COPS4: variants seen among roughly 807,000 people sequenced by gnomAD.
COPS4 encodes the protein COP9 signalosome complex subunit 4.
A neutral mutation model predicts 55.1 loss-of-function variants in COPS4; 8 were observed. The ratio of observed to expected loss-of-function variants is 0.15; its 90% CI spans 0.09 to 0.26. The LOEUF (loss-of-function observed/expected upper bound fraction) is 0.26. COPS4 is among the 10% of genes least tolerant of loss of function. COPS4 has a pLI of 1.00. For missense variants in COPS4, 248 were observed against 484.0 expected, an observed-to-expected ratio of 0.51 and a Z score of 4.58; for synonymous variants, 185 against 165.7, an observed-to-expected ratio of 1.12 and a Z score of -0.90.
At chr4:83,045,473 T>TA (rs1013086539) in intron 1 of COPS4, 153 bp from the exon 2 acceptor site, 238 of 471,548 alleles carry the variant, frequency 5.0e-4, no homozygotes, top group South Asian at 8.7e-4. Context: ...ACTAGAAACT[T>TA]AAAAAAAAAT....
In COPS4 at chr4:83,068,441, GA is replaced by G; in HGVS notation, c.1010del (p.Lys337ArgfsTer2). The part of the protein sequence containing the change: ...ALLEIPAAKA[E>X]KIASQMITEG... ...GAGTTTTTTTTTCCCCCAATAGGCG[GA>G]AAAGATAGCATCTCAAATGATAACC... is the stretch of plus-strand genomic sequence containing the variant. On this transcript the variant is annotated frameshift_variant, in exon 9 of 10. Transcript: ENST00000264389. LOFTEE classifies it high-confidence loss of function. 6.2e-7 allele frequency: 1 copy of G among 1,605,744 alleles called. No individual in the cohort carries two copies.
intron 2 of COPS4, among the ~76,000 whole-genome samples, chr4:83,047,581 A>AT (rs1365111181): frequency 1.3e-5 from 2 of 152,006 alleles, no homozygotes; most frequent in African/African-American, 2.4e-5. Flanking sequence ...ATATATATAT[A>AT]TTTTTTGATC....
chr4:83,052,895 A>G (rs754765600), intron 4 of COPS4, among the ~76,000 whole-genome samples: 23 of 152,236 alleles, frequency 1.5e-4, no homozygotes, highest in Admixed American at 7.2e-4. Flanking sequence ...CCTTGCTTCA[A>G]TATTCTTAAG....
intron 1 of COPS4, chr4:83,035,954 A>G (rs931807751): frequency 1.3e-5 from 2 of 152,536 alleles, no homozygotes; most frequent in Non-Finnish European, 2.9e-5. Flanking sequence ...AAATTTATAT[A>G]GAATGCTTAG....
intron 9 of COPS4, among the ~76,000 whole-genome samples, chr4:83,070,299 CT>C (rs1042106116): frequency 9.2e-5 from 14 of 152,194 alleles, no homozygotes; most frequent in African/African-American, 3.4e-4. Context: ...GATTCAGTTA[CT>C]GTCTCTGCAT....
At chr4:83,059,993 A>G (rs1373477864) in intron 6 of COPS4, among the ~76,000 whole-genome samples, 2 of 151,786 alleles carry the variant, frequency 1.3e-5, no homozygotes, top group East Asian at 1.9e-4. Flanking sequence ...GAGCCACCGC[A>G]CCCGGCCGAA....
intron 1 of COPS4, among the ~76,000 whole-genome samples, chr4:83,037,718 T>C (rs1730464638): frequency 6.6e-6 from 1 of 152,194 alleles, no homozygotes; most frequent in African/African-American, 2.4e-5. Context: ...AGGAGCTGAG[T>C]AACAAAGGAT....
intron 1 of COPS4, among the ~76,000 whole-genome samples, chr4:83,036,303 T>TA (rs1317083097): frequency 6.7e-6 from 1 of 148,348 alleles, no homozygotes; most frequent in Non-Finnish European, 1.5e-5. Context: ...AATAAGTAAA[T>TA]AAAGTATGCC....
chr4:83,044,464 T>A (rs866407423), intron 1 of COPS4, among the ~76,000 whole-genome samples: 89 of 103,256 alleles, frequency 8.6e-4, no homozygotes, highest in East Asian at 1.8e-3. Flanking sequence ...AAAAAAAAAA[T>A]GATTAAGACA....
At chr4:83,045,001 C>T (rs1730669673) in intron 1 of COPS4, among the ~76,000 whole-genome samples, 1 of 152,124 alleles carries the variant, frequency 6.6e-6, no homozygotes, top group Non-Finnish European at 1.5e-5. Context: ...GATCTGAATG[C>T]AAATAAAGAA....
chr4:83,066,616 GAAAAT>G, intron 8 of COPS4, 63 bp downstream of exon 8: 6 of 732,440 alleles, frequency 8.2e-6, no homozygotes, highest in Non-Finnish European at 1.3e-5. Context: ...AAAATAATGA[GAAAAT>G]AAAATAAATG....
intron 1 of COPS4, among the ~76,000 whole-genome samples, chr4:83,042,516 A>AT (rs1560434595): frequency 5.8e-5 from 7 of 121,336 alleles, no homozygotes; most frequent in Non-Finnish European, 1.4e-4. Flanking sequence ...TTAATTAATT[A>AT]ATTTTTTTTT....
In COPS4 at chr4:83,049,337, G is replaced by GT. The variant is rs757531622; in HGVS notation, c.306+26dup. On this transcript the variant is annotated intron_variant, in intron 3 of 9. Transcript: ENST00000264389. ...GAGCAGGTAAAAATCTAGAGAAGTGGTTTTTTAACTTGAGATAGCAGCAGT... is the reference window on the plus strand; with the variant it reads ...GAGCAGGTAAAAATCTAGAGAAGTGGTTTTTTTAACTTGAGATAGCAGCAGT... 5.2e-5 allele frequency: 81 copies of GT among 1,554,910 alleles called. No homozygotes were observed. The highest frequency in any genetic ancestry group is 1.7e-4 in the Middle Eastern group (1 of 5,880).
chr4:83,074,462 T>TG (rs1491337106), intron 9 of COPS4, among the ~76,000 whole-genome samples: 5 of 79,432 alleles, frequency 6.3e-5, no homozygotes, highest in Non-Finnish European at 1.2e-4. Flanking sequence ...TTTTTAGAGG[T>TG]TTTTTTTTTT....
chr4:83,049,382 T>A, intron 3 of COPS4, 65 bp downstream of exon 3: 1 of 1,383,922 alleles, frequency 7.2e-7, no homozygotes, highest in Non-Finnish European at 9.8e-7. Context: ...AATCTGATAT[T>A]AGTAAATTCT....
intron 7 of COPS4, chr4:83,065,063 C>T (rs981238701): frequency 1.9e-5 from 13 of 690,100 alleles, no homozygotes; most frequent in Non-Finnish European, 2.9e-5. Context: ...TTTGTAGAGA[C>T]AGGATCTCTC....
At chr4:83,063,520 G>C (rs557595611) in intron 7 of COPS4, among the ~76,000 whole-genome samples, 1 of 150,674 alleles carries the variant, frequency 6.6e-6, no homozygotes, top group Non-Finnish European at 1.5e-5. Context: ...CCATTCTCCT[G>C]CCTCAGCCTC....
intron 6 of COPS4, among the ~76,000 whole-genome samples, chr4:83,060,575 G>A (rs1731139910): frequency 6.6e-6 from 1 of 151,368 alleles, no homozygotes; most frequent in African/African-American, 2.4e-5. Flanking sequence ...CAAAGTGCTG[G>A]GATTAAAGGC....
intron 6 of COPS4, among the ~76,000 whole-genome samples, chr4:83,060,117 C>A (rs1259055491): frequency 6.6e-6 from 1 of 151,846 alleles, no homozygotes; most frequent in Non-Finnish European, 1.5e-5. Context: ...AAAAGACAAG[C>A]ACATTTTAAT....
Sources: gnomAD v4.1 joint callset for allele counts (sites outside exome capture counted in the v4.1 genomes callset) on GRCh38, gnomAD v4.1.1 for gene constraint, MANE v1.5 for transcripts, NCBI Gene and HGNC (gene_info 2026-07-23, HGNC 2026-07-21) for gene names.